JPH3: variants seen among roughly 807,000 people sequenced by gnomAD.
JPH3 encodes junctophilin-3.
In JPH3, 11 loss-of-function variants were observed where a neutral mutation model predicts 59.6. The observed-to-expected ratio is 0.18, with a 90% CI of 0.12 to 0.31. The LOEUF is 0.31. Ranked by LOEUF, JPH3 falls within the 10% of genes least tolerant of loss-of-function variation. The pLI, the probability that JPH3 is intolerant of heterozygous loss-of-function variation, is 1.00. For missense variants in JPH3, 1,202 were observed against 1,105.7 expected (o/e 1.09, Z -1.24); for synonymous variants, 673 against 483.6 (o/e 1.39, Z -5.14).
chr16:87,667,658 C>G (rs146373947), intron 2 of JPH3, among the ~76,000 whole-genome samples: 123 of 152,344 alleles, frequency 8.1e-4, no homozygotes, highest in Middle Eastern at 3.4e-3. Flanking sequence ...CCACCCCTCT[C>G]TGGGCCTTGA....
At chr16:87,633,163 A>T (rs1280222231) in intron 1 of JPH3, among the ~76,000 whole-genome samples, 1 of 152,160 alleles carries the variant, frequency 6.6e-6, no homozygotes, top group Non-Finnish European at 1.5e-5. Context: ...TTGCAGTTCT[A>T]AGGCTGGAAG....
At chr16:87,655,065 C>T (rs2032450145) in intron 2 of JPH3, 1 of 152,234 alleles carries the variant, frequency 6.6e-6, no homozygotes, top group African/African-American at 2.4e-5. Context: ...GTGGGCAGCG[C>T]CTGGGAGTCG....
At chr16:87,644,181 C>G in intron 1 of JPH3, 77 bp from the exon 2 acceptor site, 5 of 1,450,682 alleles carry the variant, frequency 3.4e-6, no homozygotes, top group Non-Finnish European at 9.4e-7. Flanking sequence ...ACTGTGGCTG[C>G]TTCAACCCTG....
intron 1 of JPH3, among the ~76,000 whole-genome samples, chr16:87,642,513 G>A (rs762294123): frequency 6.6e-6 from 1 of 152,228 alleles, no homozygotes; most frequent in South Asian, 2.1e-4. Context: ...ACAGCGGTGG[G>A]ACGAATAAAA....
chr16:87,633,440 A>T (rs1480257021), intron 1 of JPH3, among the ~76,000 whole-genome samples: 2 of 151,874 alleles, frequency 1.3e-5, no homozygotes, highest in African/African-American at 4.8e-5. Context: ...CCCATAGTGA[A>T]TTCCGGCAGA....
intron 1 of JPH3, among the ~76,000 whole-genome samples, chr16:87,607,678 A>T (rs1198474292): frequency 6.6e-6 from 1 of 152,216 alleles, no homozygotes; most frequent in African/African-American, 2.4e-5. Context: ...AAAATCCCTC[A>T]TCTCAACAAA....
chr16:87,620,479 A>AAGAGAGGGAGAGGGGGAGGGG, intron 1 of JPH3, among the ~76,000 whole-genome samples: 1 of 103,706 alleles, frequency 9.6e-6, no homozygotes, highest in South Asian at 3.5e-4. Flanking sequence ...AGAAGGAGAG[A>AAGAGAGGGAGAGGGGGAGGGG]AGAGAGGGAG....
In JPH3 at chr16:87,689,751, G is replaced by C. The variant is rs1385254444; in HGVS notation, c.1391G>C (p.Gly464Ala). Residue 464 changes from glycine (G) to alanine (A), a missense_variant, in exon 4 of 5, where the codon GGC becomes GCC. By Grantham distance (60) the Gly-to-Ala change is moderately conservative. Transcript: ENST00000284262. Reference protein sequence around the residue: ...QQESPELYRKGTTPSDLTPDD... With the variant: ...QQESPELYRKATTPSDLTPDD... ...GAGAGCCCCGAGCTGTACCGCAAGG[G>C]CACCACTCCCTCCGACCTGACCCCC... 7 of 1,612,074 alleles carry C rather than the reference G, an allele frequency of 4.3e-6. No homozygotes were observed. The highest frequency in any genetic ancestry group is 5.1e-6 in the Non-Finnish European group (6 of 1,179,724).
chr16:87,615,654 G>C (rs912665426), intron 1 of JPH3, among the ~76,000 whole-genome samples: 1 of 152,178 alleles, frequency 6.6e-6, no homozygotes, highest in African/African-American at 2.4e-5. Context: ...TGCGCATCTG[G>C]GTCGCCTGAC....
intron 1 of JPH3, among the ~76,000 whole-genome samples, chr16:87,640,605 G>C (rs35560143): frequency 0.19 from 28,261 of 151,716 alleles, 3,133 homozygotes; most frequent in East Asian, 0.38. Flanking sequence ...GTTGGCCAGC[G>C]TGGTCTCTAA....
intron 4 of JPH3, among the ~76,000 whole-genome samples, chr16:87,690,777 A>T (rs34197699): frequency 1.3e-5 from 2 of 151,946 alleles, no homozygotes; most frequent in African/African-American, 2.4e-5. Flanking sequence ...AGCACACGAA[A>T]CTCCTGGTTT....
intron 1 of JPH3, among the ~76,000 whole-genome samples, chr16:87,612,884 T>G (rs2030783549): frequency 6.6e-6 from 1 of 151,274 alleles, no homozygotes; most frequent in Admixed American, 6.6e-5. Flanking sequence ...TAGCTGGGCT[T>G]GGTGGCGGGC....
chr16:87,635,380 G>A (rs1311059843), intron 1 of JPH3, among the ~76,000 whole-genome samples: 1 of 152,170 alleles, frequency 6.6e-6, no homozygotes, highest in Middle Eastern at 3.2e-3. Context: ...AGGAGGAAAA[G>A]AAACAAGGGT....
chr16:87,604,619 C>T (rs967312596), intron 1 of JPH3: 69 of 1,201,900 alleles, frequency 5.7e-5, no homozygotes, highest in Non-Finnish European at 7.0e-5. Context: ...GAATAAAAAT[C>T]CTGAGCGTAC....
intron 2 of JPH3, among the ~76,000 whole-genome samples, chr16:87,664,591 C>T (rs2032805264): frequency 6.6e-6 from 1 of 152,062 alleles, no homozygotes; most frequent in African/African-American, 2.4e-5. Context: ...CGCCATTGCA[C>T]TCCAGCCTGG....
At chr16:87,674,830 G>C (rs1198907561) in intron 2 of JPH3, among the ~76,000 whole-genome samples, 6 of 152,214 alleles carry the variant, frequency 3.9e-5, no homozygotes, top group Admixed American at 6.5e-5. Flanking sequence ...GCGCGATCTT[G>C]TCTCGCTGCA....
At chr16:87,633,382 G>A (rs1225484884) in intron 1 of JPH3, among the ~76,000 whole-genome samples, 3 of 151,322 alleles carry the variant, frequency 2.0e-5, no homozygotes, top group Non-Finnish European at 4.4e-5. Flanking sequence ...GCCGGGGGTG[G>A]GGGTGGGTAG....
At chr16:87,659,376 AAAAAAAAAAAG>A (rs1398947744) in intron 2 of JPH3, among the ~76,000 whole-genome samples, 2 of 80,756 alleles carry the variant, frequency 2.5e-5, no homozygotes, top group African/African-American at 4.0e-5. Flanking sequence ...GACTGTCTCA[AAAAAAAAAAAG>A]AAAAAAAAAA....
In JPH3 at chr16:87,690,259, C is replaced by A. The variant is rs772935872; in HGVS notation, c.1899C>A (p.Gly633=). The A allele has an allele frequency of 1.9e-6, 3 of 1,602,448 alleles. No homozygotes were observed. The highest frequency in any genetic ancestry group is 1.1e-5 in the South Asian group (1 of 89,398). ...THPQKRRYSK[G]GACRGLGDDH... is the part of the protein sequence containing the mutation. ...CCCAGAAAAGACGCTACAGCAAGGG[C>A]GGCGCCTGCCGGGGCTTGGGGGACG... is the stretch of plus-strand genomic sequence containing the variant. Residue 633 remains glycine (G), a synonymous_variant, in exon 4 of 5, where the codon GGC becomes GGA. Coordinates refer to ENST00000284262, the MANE Select transcript of JPH3 (RefSeq NM_020655.4).
Sources: gnomAD v4.1 joint callset for allele counts (sites outside exome capture counted in the v4.1 genomes callset) on GRCh38, gnomAD v4.1.1 for gene constraint, MANE v1.5 for transcripts, NCBI Gene and HGNC (gene_info 2026-07-23, HGNC 2026-07-21) for gene names.